Variants in CACNA1B observed in about 807,000 individuals in gnomAD.
CACNA1B encodes voltage-dependent N-type calcium channel subunit alpha-1B.
A neutral mutation model predicts 247.2 loss-of-function variants in CACNA1B; 70 were observed. The observed-to-expected ratio is 0.28, with a 90% confidence interval of 0.23 to 0.35. CACNA1B has a LOEUF of 0.35. Among genes scored for constraint, CACNA1B ranks in the 10% least tolerant of loss-of-function variants. CACNA1B has a pLI of 1.00. For missense variants in CACNA1B, 2,367 were observed against 3,197.4 expected (o/e 0.74, Z 6.26); for synonymous variants, 1,231 against 1,294.4 (o/e 0.95, Z 1.05).
At position 137,888,466 on chromosome 9, in the gene CACNA1B, A is replaced by G. The variant is rs1190840275; in HGVS notation, c.530+5583A>G. ...GAACCCCAAAGCCCTGCGCGTCCCCACCCCTGTTGTGGCTCCAGCCTGGTG... is the reference window on the plus strand; with the variant it reads ...GAACCCCAAAGCCCTGCGCGTCCCCGCCCCTGTTGTGGCTCCAGCCTGGTG... On this transcript the variant is annotated intron_variant, in intron 3 of 46. Coordinates refer to ENST00000371372, the MANE Select transcript of CACNA1B (RefSeq NM_000718.4). The surrounding 1 kb of genome is among the most constrained non-coding windows in gnomAD (Gnocchi z 4.7). 4.0e-5 allele frequency among the ~76,000 whole-genome samples: 6 copies of G among 151,756 alleles called. No homozygotes were observed. Among genetic ancestry groups the G allele is most frequent in the African/African-American group, 1.5e-4 (6 of 41,266 alleles).
intron 37 of CACNA1B, among the ~76,000 whole-genome samples, chr9:138,101,873 G>A (rs1367367891): frequency 6.6e-6 from 1 of 152,254 alleles, no homozygotes. Context: ...GTGTCCCAGG[G>A]TTGGAGGTAG....
intron 40 of CACNA1B, 100 bp downstream of exon 40, chr9:138,112,605 G>A (rs1047834232): frequency 7.6e-6 from 6 of 792,716 alleles, no homozygotes; most frequent in African/African-American, 3.4e-5. Flanking sequence ...TGAAGGGCAG[G>A]CCACCTTGGA....
At chr9:137,893,354 T>A (rs1480705506) in intron 3 of CACNA1B, among the ~76,000 whole-genome samples, 5 of 139,782 alleles carry the variant, frequency 3.6e-5, no homozygotes, top group African/African-American at 2.6e-5. Flanking sequence ...CTCCCCCCTT[T>A]AAAAAAAAAA....
rs374485567 is a variant in CACNA1B at position 138,121,421 on chromosome 9, T to A, written c.6490-48T>A. On this transcript the variant is annotated intron_variant, in intron 46 of 46. Transcript: ENST00000371372. The surrounding 1 kb of genome is among the most constrained non-coding windows in gnomAD (Gnocchi z 6.8). ...GTGCTCTGTCTGTTGGTTCGGCTTTTTTTTTTTTTTTTTTACCTCTGATTT... is the reference window on the plus strand; with the variant it reads ...GTGCTCTGTCTGTTGGTTCGGCTTTATTTTTTTTTTTTTTACCTCTGATTT... 7.0e-5 allele frequency: 74 copies of A among 1,056,654 alleles called. No homozygotes were observed. In the African/African-American group the frequency reaches 9.2e-4, roughly 13 times the overall value. The allele number at this position is 1,056,654 out of a possible 1,614,324, so 65.5% of individuals were successfully genotyped here. A position where few individuals can be genotyped will look rare whatever the true frequency, so the allele number is the denominator to read the frequency against.
chr9:137,922,055 C>CGCACAG (rs1688337267), intron 6 of CACNA1B, among the ~76,000 whole-genome samples: 1 of 148,560 alleles, frequency 6.7e-6, no homozygotes, highest in Non-Finnish European at 1.5e-5. Context: ...GCACCACGAC[C>CGCACAG]GCACAGCATC....
chr9:138,007,129 C>T lies in CACNA1B; in HGVS notation c.2092+245C>T, dbSNP rs574192709. On this transcript the variant is annotated intron_variant, in intron 16 of 46. Transcript: ENST00000371372. This position sits in a 1 kb window ranked among gnomAD's most constrained non-coding sequence, Gnocchi z 4.1. The stretch of plus-strand genomic sequence containing the variant: ...GGGTATCCAGAGGTGGGGGTGGGTG[C>T]GGCCAGCAGCAGGCCCAGGACAGAC... 1.4e-4 allele frequency among the ~76,000 whole-genome samples: 22 copies of T among 152,188 alleles called. No individual in the cohort carries two copies. Among genetic ancestry groups the T allele is most frequent in the African/African-American group, 4.1e-4 (17 of 41,516 alleles).
At chr9:138,056,218 G>A (rs1052530390) in intron 26 of CACNA1B, among the ~76,000 whole-genome samples, 2 of 151,902 alleles carry the variant, frequency 1.3e-5, no homozygotes, top group South Asian at 2.1e-4. Flanking sequence ...AGAAAAACCC[G>A]CACCGTTTAA....
chr9:138,009,514 C>T (rs1958697556), intron 16 of CACNA1B, among the ~76,000 whole-genome samples: 1 of 152,198 alleles, frequency 6.6e-6, no homozygotes, highest in Non-Finnish European at 1.5e-5. Flanking sequence ...CGTGGTTTGT[C>T]TGAGGTGGTC....
In CACNA1B at chr9:137,919,738, G is replaced by T. The variant is rs915543581; in HGVS notation, c.966+2307G>T. On this transcript the variant is annotated intron_variant, in intron 6 of 46. Transcript: ENST00000371372. This position sits in a 1 kb window ranked among gnomAD's most constrained non-coding sequence, Gnocchi z 4.6. ...GGCAGAGAGATGGAAAGCTCAGTCC[G>T]TGTTGGGAGCAGGAGTGGGGGTGTG... Among the ~76,000 whole-genome samples the T allele has an allele frequency of 3.3e-5, 5 of 152,228 alleles. No homozygotes were observed. Among genetic ancestry groups the T allele is most frequent in the Admixed American group, 2.0e-4 (3 of 15,286 alleles).
intron 3 of CACNA1B, among the ~76,000 whole-genome samples, chr9:137,886,664 C>A (rs1451459870): frequency 1.8e-4 from 27 of 150,952 alleles, no homozygotes; most frequent in Non-Finnish European, 3.4e-4. Flanking sequence ...CATAGGCGTG[C>A]CCCAGAGAGC....
intron 6 of CACNA1B, among the ~76,000 whole-genome samples, chr9:137,922,695 A>G (rs1004360220): frequency 6.6e-6 from 1 of 152,212 alleles, no homozygotes; most frequent in Non-Finnish European, 1.5e-5. Context: ...AAAAAATTAA[A>G]CTTTTAATTT....
At chr9:137,901,686 A>ATTTT (rs57624388) in intron 3 of CACNA1B, among the ~76,000 whole-genome samples, 2 of 112,394 alleles carry the variant, frequency 1.8e-5, no homozygotes, top group Non-Finnish European at 3.6e-5. Flanking sequence ...TTTTTTTGTG[A>ATTTT]TTTTTTTTTT....
rs1205300930 is a variant in CACNA1B at position 138,023,201 on chromosome 9, G to A, written c.2458G>A (p.Glu820Lys). ...GCACCTGGACCGGCCGCTGGTGGTGGAGCTGGGCCGCGACGGCGCGCGGGG... is the reference window on the plus strand; with the variant it reads ...GCACCTGGACCGGCCGCTGGTGGTGAAGCTGGGCCGCGACGGCGCGCGGGG... ...KTHLDRPLVV[E>K]LGRDGARGPV... Residue 820 changes from glutamate to lysine, a missense_variant, in exon 19 of 47, where the codon GAG becomes AAG. This residue lies in a region of CACNA1B where 631 missense variants were observed against 631.1 expected (regional missense o/e 1.00). Coordinates refer to ENST00000371372, the MANE Select transcript of CACNA1B (RefSeq NM_000718.4). 3.3e-6 allele frequency: 5 copies of A among 1,517,102 alleles called. No individual in the cohort carries two copies. The highest frequency in any genetic ancestry group is 4.4e-6 in the Non-Finnish European group (5 of 1,140,724). 94.0% of individuals were successfully genotyped at this position (1,517,102 alleles called of 1,614,324 possible). A position where few individuals can be genotyped will look rare whatever the true frequency, so the allele number is the denominator to read the frequency against.
chr9:137,987,768 T>A (rs1178612094), intron 15 of CACNA1B, among the ~76,000 whole-genome samples: 2 of 151,828 alleles, frequency 1.3e-5, no homozygotes, highest in Admixed American at 1.3e-4. Flanking sequence ...CAAAGAGGAG[T>A]TCTGTCCTAA....
At chr9:137,904,618 T>C (rs1957277247) in intron 3 of CACNA1B, among the ~76,000 whole-genome samples, 1 of 151,982 alleles carries the variant, frequency 6.6e-6, no homozygotes. Flanking sequence ...TCCTCCCACC[T>C]CTGCCTCTCA....
intron 6 of CACNA1B, among the ~76,000 whole-genome samples, chr9:137,933,399 CT>C (rs1271566788): frequency 6.6e-6 from 1 of 152,156 alleles, no homozygotes; most frequent in Non-Finnish European, 1.5e-5. Context: ...ATTTTCGCTT[CT>C]GTTAATACAA....
At chr9:137,951,593 C>T (rs1957878581) in intron 6 of CACNA1B, among the ~76,000 whole-genome samples, 1 of 152,194 alleles carries the variant, frequency 6.6e-6, no homozygotes, top group South Asian at 2.1e-4. Context: ...AGCCACATCC[C>T]CTGGGAATGC....
rs563184201 is a variant in CACNA1B at position 138,099,068 on chromosome 9, A to C, written c.5222+2457A>C. 2.0e-5 allele frequency among the ~76,000 whole-genome samples: 3 copies of C among 152,348 alleles called. No individual in the cohort carries two copies. In the East Asian group the frequency reaches 5.8e-4, roughly 29 times the overall value. ...TCTATGGCTCCTCGTTCTTTGGGAG[A>C]AACTTTGAAACAACAACAAAATTTT... On this transcript the variant is annotated intron_variant, in intron 37 of 46. Coordinates refer to ENST00000371372, the MANE Select transcript of CACNA1B (RefSeq NM_000718.4).
At chr9:138,120,126 G>A (rs1297227645) in intron 44 of CACNA1B, 39 bp from the exon 45 acceptor site, 2 of 1,526,402 alleles carry the variant, frequency 1.3e-6, no homozygotes, top group African/African-American at 1.4e-5. Flanking sequence ...GCTGACCCTG[G>A]TGCCTCCCCT....
Sources: gnomAD v4.1 joint callset for allele counts (sites outside exome capture counted in the v4.1 genomes callset) on GRCh38, gnomAD v4.1.1 for gene constraint, gnomAD v4.1.1 regional missense constraint, Gnocchi (gnomAD v3.1) non-coding constraint, MANE v1.5 for transcripts, NCBI Gene and HGNC (gene_info 2026-07-23, HGNC 2026-07-21) for gene names.